SIPA1L2: variants seen among roughly 807,000 people sequenced by gnomAD.
SIPA1L2 encodes the protein signal-induced proliferation-associated 1-like protein 2.
Under a neutral mutation model 163.9 loss-of-function variants are expected in SIPA1L2, and 56 were observed. The observed-to-expected ratio is 0.34, with a 90% CI of 0.28 to 0.43. The LOEUF is 0.43. Ranked by LOEUF, SIPA1L2 falls within the 20% of genes least tolerant of loss-of-function variation. The pLI is 1.00. For synonymous variants in SIPA1L2, 877 were observed against 865.7 expected, an observed-to-expected ratio of 1.01 and a Z score of -0.23; for missense variants, 1,974 against 2,193.5, an observed-to-expected ratio of 0.90 and a Z score of 2.00.
At chr1:232,556,637 G>A (rs1658721323) in intron 2 of SIPA1L2, among the ~76,000 whole-genome samples, 1 of 151,880 alleles carries the variant, frequency 6.6e-6, no homozygotes, top group African/African-American at 2.4e-5. Context: ...GAAATTATGT[G>A]TCTTCGGGAG....
chr1:232,466,519 G>A (rs1452041083), intron 8 of SIPA1L2, among the ~76,000 whole-genome samples: 5 of 152,132 alleles, frequency 3.3e-5, no homozygotes, highest in South Asian at 2.1e-4. Flanking sequence ...GGCCAGGTGC[G>A]GTGGCTCATG....
At chr1:232,430,485 T>G (rs1662164661) in intron 16 of SIPA1L2, among the ~76,000 whole-genome samples, 1 of 152,272 alleles carries the variant, frequency 6.6e-6, no homozygotes, top group South Asian at 2.1e-4. Context: ...TGATTTCTTC[T>G]TCAGTGCACA....
intron 15 of SIPA1L2, among the ~76,000 whole-genome samples, chr1:232,434,698 G>A (rs1558173765): frequency 6.6e-6 from 1 of 152,262 alleles, no homozygotes; most frequent in African/African-American, 2.4e-5. Flanking sequence ...GAGCTCTGAC[G>A]CCCTGTATGT....
At chr1:232,584,070 T>C (rs1286148608) in intron 1 of SIPA1L2, among the ~76,000 whole-genome samples, 1 of 151,328 alleles carries the variant, frequency 6.6e-6, no homozygotes, top group Non-Finnish European at 1.5e-5. Flanking sequence ...ACTACCATGT[T>C]TGATTGTAGA....
intron 20 of SIPA1L2, 59 bp from the exon 21 acceptor site, chr1:232,403,630 T>A (rs1660477229): frequency 1.3e-6 from 2 of 1,532,912 alleles, no homozygotes; most frequent in East Asian, 2.3e-5. Flanking sequence ...AAGGCAATGT[T>A]TCTTTGTGGA....
intron 2 of SIPA1L2, among the ~76,000 whole-genome samples, chr1:232,535,052 A>T (rs1462510887): frequency 6.6e-6 from 1 of 152,188 alleles, no homozygotes; most frequent in African/African-American, 2.4e-5. Flanking sequence ...TCCACTGACA[A>T]CATCAGGTTT....
chr1:232,428,424 TC>T lies in SIPA1L2; in HGVS notation c.4396del (p.Glu1466ArgfsTer77). On this transcript the variant is annotated frameshift_variant, in exon 17 of 23. Coordinates refer to ENST00000674635, the MANE Select transcript of SIPA1L2 (RefSeq NM_020808.5). LOFTEE classifies it high-confidence loss of function. ...TAAGTCACTAACCTTTCTTCGCCCC[TC>T]CTCCACTAAGGGGCTGTCAGGAAGC... ...LMLPDSPLVE[E>X]GRRKFSFYGN... 1 of 1,452,568 alleles carries T rather than the reference TC, an allele frequency of 6.9e-7. No individual in the cohort carries two copies. The highest frequency in any genetic ancestry group is 9.2e-7 in the Non-Finnish European group (1 of 1,086,880). 90.0% of individuals were successfully genotyped at this position (1,452,568 alleles called of 1,614,324 possible). A position where few individuals can be genotyped will look rare whatever the true frequency, so the allele number is the denominator to read the frequency against.
At chr1:232,435,842 C>T (rs1181082062) in intron 15 of SIPA1L2, among the ~76,000 whole-genome samples, 1 of 152,206 alleles carries the variant, frequency 6.6e-6, no homozygotes, top group Non-Finnish European at 1.5e-5. Flanking sequence ...CTACCCTCTT[C>T]CTCACAAGAG....
chr1:232,463,181 T>A lies in SIPA1L2; in HGVS notation c.2820+1659A>T, dbSNP rs115533802. 5.4e-3 allele frequency among the ~76,000 whole-genome samples: 828 copies of A among 152,318 alleles called. 3 individuals are homozygous for A. Among genetic ancestry groups the A allele is most frequent in the Middle Eastern group, 0.017 (5 of 294 alleles). ...TGCAACTGCATGGGTTGCACATCCGTGAAGTGAGCCCTGCCTGGCCCTCTA... is the reference window on the plus strand; with the variant it reads ...TGCAACTGCATGGGTTGCACATCCGAGAAGTGAGCCCTGCCTGGCCCTCTA... On this transcript the variant is annotated intron_variant, in intron 9 of 22. Transcript: ENST00000674635.
At chr1:232,445,442 T>C in intron 11 of SIPA1L2, 87 bp downstream of exon 11, 1 of 1,573,728 alleles carries the variant, frequency 6.4e-7, no homozygotes, top group Non-Finnish European at 8.6e-7. Flanking sequence ...AACTCAGAAG[T>C]GATTAAGCAA....
rs371706716 is a variant in SIPA1L2 at position 232,514,362 on chromosome 1, C to T, written c.978G>A (p.Gln326=). Residue 326 remains glutamine (Q), a synonymous_variant, in exon 3 of 23, where the codon CAG becomes CAA. Transcript: ENST00000674635. Reference sequence around the variant, plus strand: ...GGACATCATAATGTGCAAAACATCGCTGACAATTCCAAGGGCGAATGCCCC... The same window carrying T: ...GGACATCATAATGTGCAAAACATCGTTGACAATTCCAAGGGCGAATGCCCC... The part of the protein sequence containing the change: ...LERGIRPWNC[Q]RCFAHYDVQS... 50 of 1,613,528 alleles carry T rather than the reference C, an allele frequency of 3.1e-5. No homozygotes were observed. In the African/African-American group the frequency reaches 6.0e-4, roughly 19 times the overall value.
chr1:232,472,788 G>A (rs895586099), intron 7 of SIPA1L2, among the ~76,000 whole-genome samples: 4 of 152,210 alleles, frequency 2.6e-5, no homozygotes, highest in African/African-American at 9.6e-5. Flanking sequence ...AGACCATTAA[G>A]TTCAACTTTT....
intron 14 of SIPA1L2, among the ~76,000 whole-genome samples, chr1:232,440,321 G>A (rs1308442323): frequency 6.6e-6 from 1 of 152,192 alleles, no homozygotes; most frequent in Admixed American, 6.5e-5. Context: ...TCATAAGAAC[G>A]AGCCAGGCCC....
chr1:232,563,168 T>C (rs1186568945), intron 2 of SIPA1L2, among the ~76,000 whole-genome samples: 1 of 152,188 alleles, frequency 6.6e-6, no homozygotes, highest in Non-Finnish European at 1.5e-5. Flanking sequence ...TGCCTAAAAA[T>C]AGTATGGTTT....
chr1:232,464,711 T>C (rs1664416328), intron 9 of SIPA1L2, 129 bp downstream of exon 9: 1 of 756,732 alleles, frequency 1.3e-6, no homozygotes, highest in African/African-American at 1.8e-5. Context: ...AATTAAGCTC[T>C]GTATCTGTAA....
chr1:232,555,703 A>T (rs1658661188), intron 2 of SIPA1L2, among the ~76,000 whole-genome samples: 1 of 152,228 alleles, frequency 6.6e-6, no homozygotes, highest in South Asian at 2.1e-4. Context: ...AGATCCACGG[A>T]GCCTATGCAG....
At chr1:232,445,872 ACAT>A (rs1663187631) in intron 10 of SIPA1L2, 86 bp from the exon 11 acceptor site, 1 of 1,480,484 alleles carries the variant, frequency 6.8e-7, no homozygotes, top group African/African-American at 1.4e-5. Context: ...CCCTCAACAC[ACAT>A]CACATGGTGT....
chr1:232,624,644 C>T (rs925229099), intron 1 of SIPA1L2, among the ~76,000 whole-genome samples: 24 of 152,178 alleles, frequency 1.6e-4, no homozygotes, highest in Non-Finnish European at 2.8e-4. Context: ...TAGCTTACTT[C>T]GGACTGTTCT....
rs78185987 is a variant in SIPA1L2, at chr1:232,499,327, T to C, written c.1484-5667A>G. Among the ~76,000 whole-genome samples the C allele has an allele frequency of 0.036, 5,512 of 152,222 alleles. 911 individuals are homozygous for C. In the East Asian group the frequency reaches 0.55, roughly 15 times the overall value. ...GTAGTGAATGCAAAGAAAAAGTTCT[T>C]GAAAGAAAGTAAAAGTGCCACTTCA... On this transcript the variant is annotated intron_variant, in intron 3 of 22. Transcript: ENST00000674635.
Sources: gnomAD v4.1 joint callset for allele counts (sites outside exome capture counted in the v4.1 genomes callset) on GRCh38, gnomAD v4.1.1 for gene constraint, MANE v1.5 for transcripts, NCBI Gene and HGNC (gene_info 2026-07-23, HGNC 2026-07-21) for gene names.